The following IPPK variants were observed in gnomAD, a reference collection of about 807,000 sequenced individuals.
The protein encoded by IPPK is inositol-pentakisphosphate 2-kinase.
IPPK carries 22 observed loss-of-function variants against 64.6 expected under a neutral mutation model. The ratio of observed to expected loss-of-function variants is 0.34; its 90% CI spans 0.24 to 0.49. The LOEUF (loss-of-function observed/expected upper bound fraction) is 0.49, where lower values mean the gene tolerates loss of function less well. IPPK is among the 20% of genes least tolerant of loss of function. IPPK has a pLI of 0.99. For synonymous variants in IPPK, 262 were observed against 247.2 expected, an observed-to-expected ratio of 1.06 and a Z score of -0.56; for missense variants, 532 against 630.7, an observed-to-expected ratio of 0.84 and a Z score of 1.68.
At chr9:92,668,540 G>C (rs1852651618) in intron 1 of IPPK, among the ~76,000 whole-genome samples, 1 of 152,152 alleles carries the variant, frequency 6.6e-6, no homozygotes, top group South Asian at 2.1e-4. Context: ...AAAAGTCTTA[G>C]GTTTACCTAA....
chr9:92,637,159 A>G (rs1391179513), intron 9 of IPPK, among the ~76,000 whole-genome samples: 3 of 152,140 alleles, frequency 2.0e-5, no homozygotes, highest in African/African-American at 7.2e-5. Context: ...TGTCTTTACT[A>G]AAATACAAAA....
At chr9:92,655,262 T>C (rs1564039698) in intron 3 of IPPK, among the ~76,000 whole-genome samples, 1 of 152,202 alleles carries the variant, frequency 6.6e-6, no homozygotes, top group East Asian at 1.9e-4. Flanking sequence ...GCCCTGCAGA[T>C]GCAGCGACCC....
At chr9:92,619,619 C>A (rs138393379) in intron 11 of IPPK, 54 bp from the exon 12 acceptor site, 9 of 1,453,642 alleles carry the variant, frequency 6.2e-6, no homozygotes, top group East Asian at 4.9e-5. Context: ...TCTGCCCCCC[C>A]ACACAACCTT....
intron 1 of IPPK, among the ~76,000 whole-genome samples, chr9:92,661,773 C>A (rs928098601): frequency 6.6e-6 from 1 of 152,232 alleles, no homozygotes; most frequent in African/African-American, 2.4e-5. Context: ...TTCATCAATA[C>A]CAAAACTCAG....
chr9:92,649,745 A>C (rs1852223519), intron 4 of IPPK, among the ~76,000 whole-genome samples, 171 bp from the exon 5 acceptor site: 1 of 152,178 alleles, frequency 6.6e-6, no homozygotes, highest in South Asian at 2.1e-4. Flanking sequence ...AACGTGGTTT[A>C]GGCCAGGTGA....
Position 92,614,144 on chromosome 9 carries a change from T to C in IPPK, c.*1688A>G, listed in dbSNP as rs1477903019. The C allele has an allele frequency of 6.6e-6, 1 of 152,296 alleles. No homozygotes were observed. Among genetic ancestry groups the C allele is most frequent in the Non-Finnish European group, 1.5e-5 (1 of 68,122 alleles). 9.4% of individuals were successfully genotyped at this position (152,296 alleles called of 1,614,324 possible). ...TGGGCCCTGTGCTAGGCAATAACTC[T>C]TGCAGCCCTGAAGGACCTAGGGAGC... On this transcript the variant is annotated 3_prime_UTR_variant, in exon 13 of 13. Transcript: ENST00000287996.
At chr9:92,624,268 A>G (rs1851695645) in intron 11 of IPPK, among the ~76,000 whole-genome samples, 2 of 152,216 alleles carry the variant, frequency 1.3e-5, no homozygotes, top group African/African-American at 4.8e-5. Flanking sequence ...TCACGAGGTC[A>G]GGAGTTCCAG....
At chr9:92,667,898 G>A (rs1038835919) in intron 1 of IPPK, among the ~76,000 whole-genome samples, 64 of 151,676 alleles carry the variant, frequency 4.2e-4, no homozygotes, top group African/African-American at 1.4e-3. Flanking sequence ...GCAAGACTCC[G>A]TCTCAAAAAA....
chr9:92,668,937 CG>C (rs1337315708), intron 1 of IPPK, among the ~76,000 whole-genome samples: 2 of 152,234 alleles, frequency 1.3e-5, no homozygotes, highest in African/African-American at 2.4e-5. Context: ...CTGTTCGACT[CG>C]GGCAATGCCC....
chr9:92,616,239 A>T, intron 12 of IPPK, 182 bp from the exon 13 acceptor site: 1 of 555,144 alleles, frequency 1.8e-6, no homozygotes, highest in Non-Finnish European at 3.2e-6. Context: ...CCAGCTCACA[A>T]AGAGCACTCG....
In IPPK at chr9:92,638,002, T is replaced by C. The variant is rs751333672; in HGVS notation, c.915A>G (p.Gln305=). 9.0e-5 allele frequency: 141 copies of C among 1,563,640 alleles called. No homozygotes were observed. The highest frequency in any genetic ancestry group is 1.2e-4 in the Non-Finnish European group (135 of 1,153,524). Residue 305 remains glutamine, a splice_region_variant and synonymous_variant, in exon 9 of 13, where the codon CAA becomes CAG. Coordinates refer to ENST00000287996, the MANE Select transcript of IPPK (RefSeq NM_022755.6). ...ASPFSRSLRC[Q]GKNTPERSGL... ...TACCTGGGGAAGGCTGGGCCCTACCTTGGCAGCGAAGGCTCCTACTGAAAG... is the reference window on the plus strand; with the variant it reads ...TACCTGGGGAAGGCTGGGCCCTACCCTGGCAGCGAAGGCTCCTACTGAAAG...
chr9:92,641,832 A>T (rs1852052965), intron 7 of IPPK, among the ~76,000 whole-genome samples: 1 of 152,214 alleles, frequency 6.6e-6, no homozygotes, highest in African/African-American at 2.4e-5. Flanking sequence ...AAGAAAGAGG[A>T]AAGAAACTCA....
At position 92,635,374 on chromosome 9, in the gene IPPK, G is replaced by T. The variant is rs950371285; in HGVS notation, c.917-66C>A. On this transcript the variant is annotated intron_variant, in intron 9 of 12. Transcript: ENST00000287996. The surrounding 1 kb of genome is among the most constrained non-coding windows in gnomAD (Gnocchi z 4.4). ...TCAAAGAACGTGGAGGGAGACACAG[G>T]CCGGCGCAGACCGCAGGGCTCATCC... 18 of 1,540,408 alleles carry T rather than the reference G, an allele frequency of 1.2e-5. No homozygotes were observed. The Admixed American group carries it at 2.6e-4, about 22-fold the overall frequency.
Position 92,662,355 on chromosome 9 carries a change from G to A in IPPK, c.82-3674C>T, listed in dbSNP as rs150339642. Among the ~76,000 whole-genome samples, 105 of 152,170 alleles carry A rather than the reference G, an allele frequency of 6.9e-4. No individual in the cohort carries two copies. The East Asian group carries it at 0.019, about 28-fold the overall frequency. ...AGCCCGACCAACATGGAGAAAACCT[G>A]TCTCTACTAAAAAACACAAAATTAG... On this transcript the variant is annotated intron_variant, in intron 1 of 12. Transcript: ENST00000287996.
intron 11 of IPPK, among the ~76,000 whole-genome samples, chr9:92,624,218 C>T (rs1851694769): frequency 6.6e-6 from 1 of 152,174 alleles, no homozygotes; most frequent in Non-Finnish European, 1.5e-5. Flanking sequence ...CAGTGGTTCA[C>T]ACCTGTAATC....
At chr9:92,630,723 A>G (rs1851824090) in intron 11 of IPPK, among the ~76,000 whole-genome samples, 5 of 152,176 alleles carry the variant, frequency 3.3e-5, no homozygotes, top group Admixed American at 3.3e-4. Flanking sequence ...ATAAGTTTGG[A>G]GAGACAACTG....
chr9:92,647,492 A>C (rs1262746005), intron 6 of IPPK, among the ~76,000 whole-genome samples: 1 of 152,162 alleles, frequency 6.6e-6, no homozygotes, highest in Non-Finnish European at 1.5e-5. Context: ...ATGATTCAAA[A>C]ACCCTCAACA....
intron 1 of IPPK, among the ~76,000 whole-genome samples, chr9:92,663,315 G>A (rs113394997): frequency 9.2e-5 from 14 of 152,292 alleles, no homozygotes; most frequent in African/African-American, 2.4e-4. Flanking sequence ...CATGCTGCGC[G>A]GGTCTGAGGA....
intron 11 of IPPK, among the ~76,000 whole-genome samples, chr9:92,622,080 T>C (rs868476211): frequency 2.6e-5 from 4 of 152,202 alleles, no homozygotes; most frequent in African/African-American, 9.6e-5. Context: ...GGTCATATGA[T>C]CATCTCAATA....
Sources: gnomAD v4.1 joint callset for allele counts (sites outside exome capture counted in the v4.1 genomes callset) on GRCh38, gnomAD v4.1.1 for gene constraint, Gnocchi (gnomAD v3.1) non-coding constraint, MANE v1.5 for transcripts, NCBI Gene and HGNC (gene_info 2026-07-23, HGNC 2026-07-21) for gene names.